ZNF215: variants seen among roughly 807,000 people sequenced by gnomAD.
ZNF215 encodes zinc finger protein 215, also known as BWSCR2-associated zinc finger protein 2.
In ZNF215, 24 loss-of-function variants were observed where a neutral mutation model predicts 27.2. The ratio of observed to expected loss-of-function variants is 0.88; its 90% confidence interval spans 0.64 to 1.24. The LOEUF (loss-of-function observed/expected upper bound fraction) is 1.24, where lower values mean the gene tolerates loss of function less well. Among genes scored for constraint, ZNF215 ranks in the 50% most tolerant of loss-of-function variants. ZNF215 has a pLI of 0.00. For synonymous variants in ZNF215, 210 were observed against 204.0 expected (o/e 1.03, Z -0.25); for missense variants, 675 against 605.7 (o/e 1.11, Z -1.20).
rs142335226 is a variant in ZNF215, at chr11:6,975,567, C to T, written c.806-8562C>T. Among the ~76,000 whole-genome samples, 154 of 152,064 alleles carry T rather than the reference C, an allele frequency of 1.0e-3. 3 individuals carry two copies. In the East Asian group the frequency reaches 0.021, roughly 21 times the overall value. ...TAACCATTCTTCTATTCTCTACGTC[C>T]GTGAGTTCAATTGTTTTAACCTTTA... On this transcript the variant is annotated intron_variant, in intron 5 of 5. Transcript: ENST00000529903.
chr11:6,984,109 TA>T (rs1221250226), intron 5 of ZNF215: 5 of 403,924 alleles, frequency 1.2e-5, no homozygotes, highest in Admixed American at 6.0e-5. Context: ...CAATGTCCCT[TA>T]AATTTTTTTT....
downstream of ZNF215, among the ~76,000 whole-genome samples, chr11:6,990,291 C>T (rs1851102470): frequency 6.6e-6 from 1 of 152,080 alleles, no homozygotes; most frequent in Admixed American, 6.6e-5. Context: ...TCAAGGATAG[C>T]CTTAACAATG....
downstream of ZNF215, among the ~76,000 whole-genome samples, chr11:6,986,352 A>G (rs992173157): frequency 1.3e-5 from 2 of 152,136 alleles, no homozygotes; most frequent in African/African-American, 2.4e-5. Flanking sequence ...CTAGATCCCT[A>G]CCTAACACCA....
chr11:6,950,070 C>A (rs1239793618), intron 6 of ZNF215, among the ~76,000 whole-genome samples: 1 of 151,732 alleles, frequency 6.6e-6, no homozygotes, highest in African/African-American at 2.4e-5. Context: ...TCTGAGGGCT[C>A]TGTTCTGTTC....
intron 3 of ZNF215, among the ~76,000 whole-genome samples, chr11:6,934,906 G>A (rs1849382173): frequency 6.6e-6 from 1 of 152,158 alleles, no homozygotes; most frequent in African/African-American, 2.4e-5. Flanking sequence ...GCCTATTCTT[G>A]AGAAATCTAG....
chr11:6,950,019 G>T (rs1192233782), intron 6 of ZNF215, among the ~76,000 whole-genome samples: 2 of 151,706 alleles, frequency 1.3e-5, no homozygotes, highest in Non-Finnish European at 2.9e-5. Context: ...TTTTTGTCAG[G>T]TTTGTCAAAG....
chr11:6,958,636 A>C (rs1314284719), downstream of ZNF215, among the ~76,000 whole-genome samples: 4 of 152,200 alleles, frequency 2.6e-5, no homozygotes. Context: ...GAGTTTATTA[A>C]GGAGTATTGA....
At chr11:6,942,124 A>G (rs775057197) in intron 4 of ZNF215, among the ~76,000 whole-genome samples, 1 of 152,230 alleles carries the variant, frequency 6.6e-6, no homozygotes, top group Non-Finnish European at 1.5e-5. Flanking sequence ...TGTTCACTTA[A>G]GGAGATACTA....
In ZNF215 at chr11:6,955,918, C is replaced by G. The variant is rs753330839; in HGVS notation, c.941C>G (p.Ser314Ter). The G allele has an allele frequency of 1.9e-6, 3 of 1,612,042 alleles. No homozygotes were observed. The highest frequency in any genetic ancestry group is 3.4e-5 in the Admixed American group (2 of 59,650). The change falls in exon 7 of 7, where the codon TCA becomes TGA. Residue 314 changes from serine to a stop codon, truncating the protein, a stop_gained. Coordinates refer to ENST00000278319, the MANE Select transcript of ZNF215 (RefSeq NM_013250.4). LOFTEE classifies it low-confidence loss of function (END_TRUNC). Reference protein sequence around the residue: ...SENKKSFDINSVSSICAIQVG... With the variant: ...SENKKSFDIN Reference sequence around the variant, plus strand: ...AATAAGAAAAGCTTTGATATTAATTCAGTTAGCTCAATTTGTGCTATACAA... The same window carrying G: ...AATAAGAAAAGCTTTGATATTAATTGAGTTAGCTCAATTTGTGCTATACAA...
chr11:6,988,769 T>C (rs2133365137), downstream of ZNF215: 1 of 152,316 alleles, frequency 6.6e-6, no homozygotes, highest in South Asian at 2.1e-4. Context: ...ATATGAGATA[T>C]GCTAAAGATG....
At chr11:6,972,980 A>G (rs1159341777) in intron 5 of ZNF215, among the ~76,000 whole-genome samples, 2 of 152,058 alleles carry the variant, frequency 1.3e-5, no homozygotes, top group Non-Finnish European at 2.9e-5. Flanking sequence ...ATGTGTATAC[A>G]TGTGCCATGT....
intron 3 of ZNF215, among the ~76,000 whole-genome samples, chr11:6,941,137 G>A (rs1404442838): frequency 2.6e-5 from 4 of 152,204 alleles, no homozygotes; most frequent in Non-Finnish European, 5.9e-5. Flanking sequence ...GCAACTTACA[G>A]GAAAACAATC....
chr11:6,984,523 T>C (rs1170426672), exon 6 of ZNF215: 1 of 152,800 alleles, frequency 6.5e-6, no homozygotes, highest in Non-Finnish European at 1.5e-5. Flanking sequence ...TGAAGATACT[T>C]GTCACAGCGT....
downstream of ZNF215, among the ~76,000 whole-genome samples, chr11:6,960,271 C>T (rs1200401243): frequency 1.3e-5 from 2 of 151,890 alleles, no homozygotes; most frequent in Non-Finnish European, 2.9e-5. Context: ...ATATTGAGAG[C>T]GTTTAAAAAG....
chr11:6,969,144 A>G (rs1850676567), intron 5 of ZNF215, among the ~76,000 whole-genome samples: 1 of 152,148 alleles, frequency 6.6e-6, no homozygotes, highest in African/African-American at 2.4e-5. Context: ...CAAAATGTGA[A>G]TTTATTCCAT....
intron 5 of ZNF215, among the ~76,000 whole-genome samples, chr11:6,965,578 ATTTC>A (rs966152779): frequency 3.3e-5 from 5 of 152,082 alleles, no homozygotes; most frequent in African/African-American, 1.2e-4. Flanking sequence ...AAGGTTTTTT[ATTTC>A]TTTTATCAGT....
In ZNF215 at chr11:6,932,605, A is replaced by G. The variant is rs199507529; in HGVS notation, c.333A>G (p.Gln111=). The part of the protein sequence containing the change: ...PEEVRTWVNL[Q]HPNNSKDMVT... The stretch of plus-strand genomic sequence containing the variant: ...AAGTCAGGACTTGGGTGAATTTACA[A>G]CATCCAAACAACAGTAAAGATATGG... The change falls in exon 3 of 7, where the codon CAA becomes CAG. Residue 111 remains glutamine (Q), a synonymous_variant. Transcript: ENST00000278319. 47 of 1,614,176 alleles carry G rather than the reference A, an allele frequency of 2.9e-5. No individual in the cohort carries two copies. The East Asian group carries it at 3.3e-4, about 11-fold the overall frequency.
At chr11:6,982,549 C>A (rs1290589459) in intron 5 of ZNF215, among the ~76,000 whole-genome samples, 1 of 152,086 alleles carries the variant, frequency 6.6e-6, no homozygotes, top group African/African-American at 2.4e-5. Context: ...GAAATTATAA[C>A]AAACTGTCTC....
intron 3 of ZNF215, among the ~76,000 whole-genome samples, chr11:6,932,897 T>G (rs1849314512): frequency 6.6e-6 from 1 of 152,228 alleles, no homozygotes; most frequent in African/African-American, 2.4e-5. Flanking sequence ...AAAAATATTA[T>G]GTTGACATCA....
Sources: gnomAD v4.1 joint callset for allele counts (sites outside exome capture counted in the v4.1 genomes callset) on GRCh38, gnomAD v4.1.1 for gene constraint, MANE v1.5 for transcripts, NCBI Gene and HGNC (gene_info 2026-07-23, HGNC 2026-07-21) for gene names.